The following C1QTNF12 variants were observed in gnomAD, a reference collection of about 807,000 sequenced individuals.
C1QTNF12 encodes C1q and TNF related 12, also known as adipolin.
Under a neutral mutation model 34.3 loss-of-function variants are expected in C1QTNF12, and 39 were observed. That is an observed-to-expected ratio of 1.14 (90% CI 0.88 to 1.49). C1QTNF12 has a LOEUF of 1.49. C1QTNF12 is among the 40% of genes most tolerant of loss of function. The probability of loss-of-function intolerance (pLI) is 0.00; values close to 1 mark genes in which losing one functional copy is unlikely to be tolerated. For missense variants in C1QTNF12, 497 were observed against 424.7 expected (o/e 1.17, Z -1.50); for synonymous variants, 220 against 196.9 (o/e 1.12, Z -0.98).
intron 4 of C1QTNF12, 112 bp downstream of exon 4, chr1:1,243,834 AGCCCCGCC>A: frequency 6.2e-6 from 7 of 1,120,842 alleles, no homozygotes; most frequent in Non-Finnish European, 8.8e-6. Context: ...TCGCCCTCCG[AGCCCCGCC>A]CCCAGCCCCC....
In C1QTNF12 at chr1:1,243,549, C is replaced by T; in HGVS notation, c.535G>A (p.Ala179Thr). ...CCTCGCAGGAAGGCACCTTGGGCAGCAGGCTGTGAGGGGCAGTGGGTGAGC... is the reference window on the plus strand; with the variant it reads ...CCTCGCAGGAAGGCACCTTGGGCAGTAGGCTGTGAGGGGCAGTGGGTGAGC... ...LVELHGFQAP[A>T]AQGAFLRGSG... The change falls in exon 5 of 8, where the codon GCT becomes ACT. Residue 179 changes from alanine to threonine, a missense_variant. Transcript: ENST00000330388. The T allele has an allele frequency of 6.4e-7, 1 of 1,550,824 alleles. No homozygotes were observed. Among genetic ancestry groups the T allele is most frequent in the Non-Finnish European group, 8.7e-7 (1 of 1,147,082 alleles).
chr1:1,242,995 T>C lies in C1QTNF12; in HGVS notation c.731+67A>G, dbSNP rs1012007794. 4 of 1,556,070 alleles carry C rather than the reference T, an allele frequency of 2.6e-6. No homozygotes were observed. The African/African-American group carries it at 5.5e-5, about 21-fold the overall frequency. On this transcript the variant is annotated intron_variant, in intron 6 of 7. Transcript: ENST00000330388. ...CTGCTCCAGTGCCCAGAGACCCCTG[T>C]GGCCTGTGAGCCCCTCCAAGGGTGG...
chr1:1,243,664 G>A (rs920392458), intron 4 of C1QTNF12, 112 bp from the exon 5 acceptor site: 25 of 943,676 alleles, frequency 2.6e-5, no homozygotes, highest in Middle Eastern at 3.2e-4. Flanking sequence ...CAGCTCTCCC[G>A]GGACCCTCAC....
At chr1:1,245,731 C>T (rs1054878878) in intron 1 of C1QTNF12, among the ~76,000 whole-genome samples, 7 of 152,334 alleles carry the variant, frequency 4.6e-5, no homozygotes, top group Admixed American at 3.9e-4. Flanking sequence ...AACGGGACCT[C>T]GGGCTCCAGC....
rs772931967 is a variant in C1QTNF12 at position 1,242,660 on chromosome 1, G to C, written c.811-14C>G. The C allele has an allele frequency of 3.2e-6, 5 of 1,582,638 alleles. No individual in the cohort carries two copies. The South Asian group carries it at 3.4e-5, about 11-fold the overall frequency. On this transcript the variant is annotated splice_polypyrimidine_tract_variant and intron_variant, in intron 7 of 7. Coordinates refer to ENST00000330388, the MANE Select transcript of C1QTNF12 (RefSeq NM_001014980.3). ...GTACTGTCCAGCCTGTAAGAAGCAC[G>C]GGGACGTCACAACCGCAGCCACAGC...
rs773095158 is a variant in C1QTNF12, at chr1:1,244,425, CGTCCGGCCGCCGGACAAAGTTCAGCCAT to C, written c.222_249del (p.Trp75ThrfsTer4). 6.2e-7 allele frequency: 1 copy of C among 1,611,866 alleles called. No homozygotes were observed. The highest frequency in any genetic ancestry group is 1.1e-5 in the South Asian group (1 of 91,068). ...CCGCACCGCTTCCTTAAGGCGCCGTCGTCCGGCCGCCGGACAAAGTTCAGCCATGTCATGTGGGCGTCGGAGAACTCAG... is the reference window on the plus strand; with the variant it reads ...CCGCACCGCTTCCTTAAGGCGCCGTCGTCATGTGGGCGTCGGAGAACTCAG... On this transcript the variant is annotated frameshift_variant, in exon 2 of 8. Transcript: ENST00000330388. LOFTEE classifies it high-confidence loss of function.
At chr1:1,243,647 C>G (rs1638802443) in intron 4 of C1QTNF12, 95 bp from the exon 5 acceptor site, 1 of 1,039,310 alleles carries the variant, frequency 9.6e-7, no homozygotes, top group Admixed American at 2.2e-5. Flanking sequence ...CAGCCCCTCA[C>G]TCGGAGCAGC....
rs1356573769 is a variant in C1QTNF12, at chr1:1,246,573, C to A, written c.118G>T (p.Asp40Tyr). The A allele has an allele frequency of 6.4e-6, 8 of 1,246,098 alleles. No homozygotes were observed. In the East Asian group the frequency reaches 2.2e-4, roughly 34 times the overall value. The allele number at this position is 1,246,098 out of a possible 1,614,324, so 77.2% of individuals were successfully genotyped here. A position where few individuals can be genotyped will look rare whatever the true frequency, so the allele number is the denominator to read the frequency against. The change falls in exon 1 of 8, where the codon GAT (aspartate) becomes TAT (tyrosine). Residue 40 changes from aspartate (D) to tyrosine (Y), a missense_variant. Physicochemically the swap from Asp to Tyr is radical, Grantham distance 160. Transcript: ENST00000330388. The surrounding 1 kb of genome is among the most constrained non-coding windows in gnomAD (Gnocchi z 4.5). Reference sequence around the variant, plus strand: ...GCGCTGGCGGTGGCGTTGGGGGGATCTGCGCGCTGGCCAGGCTGCTGCGTC... The same window carrying A: ...GCGCTGGCGGTGGCGTTGGGGGGATATGCGCGCTGGCCAGGCTGCTGCGTC... ...QRTQQPGQRADPPNATASASS... is the reference protein window; with the variant it reads ...QRTQQPGQRAYPPNATASASS...
intron 1 of C1QTNF12, 165 bp from the exon 2 acceptor site, chr1:1,244,662 C>T (rs1638835235): frequency 1.6e-6 from 1 of 619,682 alleles, no homozygotes; most frequent in African/African-American, 1.8e-5. Flanking sequence ...GTCCCAATGC[C>T]ACCAGCAGGG....
rs377138690 is a variant in C1QTNF12, at chr1:1,242,866, G to T, written c.779C>A (p.Thr260Lys). 1 of 1,612,442 alleles carries T rather than the reference G, an allele frequency of 6.2e-7. No individual in the cohort carries two copies. Residue 260 changes from threonine to lysine, a missense_variant, in exon 7 of 8, where the codon ACG (threonine) becomes AAG (lysine). Thr to Lys is a moderately conservative substitution (Grantham distance 78, BLOSUM62 -1). Transcript: ENST00000330388. ...SGLESNSRVF[T>K]LQVQGLLQLQ... Reference sequence around the variant, plus strand: ...CTGCAGCAGCCCCTGCACCTGTAGCGTGAAGACCCTGCTGTTGCTCTCCAG... The same window carrying T: ...CTGCAGCAGCCCCTGCACCTGTAGCTTGAAGACCCTGCTGTTGCTCTCCAG...
chr1:1,244,423 G>A lies in C1QTNF12; in HGVS notation c.252C>T (p.Asp84=), dbSNP rs532691441. 45 of 1,611,898 alleles carry A rather than the reference G, an allele frequency of 2.8e-5. No individual in the cohort carries two copies. In the East Asian group the frequency reaches 4.9e-4, roughly 18 times the overall value. The change falls in exon 2 of 8, where the codon GAC becomes GAT. Residue 84 remains aspartate, a synonymous_variant. Coordinates refer to ENST00000330388, the MANE Select transcript of C1QTNF12 (RefSeq NM_001014980.3). ...TWLNFVRRPD[D]GALRKRCGSR... is the part of the protein sequence containing the mutation. ...TTCCGCACCGCTTCCTTAAGGCGCC[G>A]TCGTCCGGCCGCCGGACAAAGTTCA... is the stretch of plus-strand genomic sequence containing the variant.
rs1465678505 is a variant in C1QTNF12 at position 1,243,562 on chromosome 1, G to A, written c.532-10C>T. 1 of 1,547,712 alleles carries A rather than the reference G, an allele frequency of 6.5e-7. No individual in the cohort carries two copies. Among genetic ancestry groups the A allele is most frequent in the Non-Finnish European group, 8.7e-7 (1 of 1,144,820 alleles). The stretch of plus-strand genomic sequence containing the variant: ...CACCTTGGGCAGCAGGCTGTGAGGG[G>A]CAGTGGGTGAGCGGCCAGCGCAGGG... On this transcript the variant is annotated splice_polypyrimidine_tract_variant and intron_variant, in intron 4 of 7. Coordinates refer to ENST00000330388, the MANE Select transcript of C1QTNF12 (RefSeq NM_001014980.3).
At chr1:1,246,872 G>C (rs1444410051), upstream of C1QTNF12, 3 of 339,894 alleles carry the variant, frequency 8.8e-6, no homozygotes, top group African/African-American at 6.5e-5. This position sits in a 1 kb window ranked among gnomAD's most constrained non-coding sequence, Gnocchi z 4.5. Flanking sequence ...TCCCCCCGGG[G>C]TCCCGCTCCA....
chr1:1,244,227 C>T lies in C1QTNF12; in HGVS notation c.343G>A (p.Glu115Lys), dbSNP rs1347817949. 7.5e-6 allele frequency: 12 copies of T among 1,597,626 alleles called. No individual in the cohort carries two copies. The highest frequency in any genetic ancestry group is 1.0e-5 in the Non-Finnish European group (12 of 1,172,358). ...TCCTGAAACTCGTGAAGCAGAGTCT[C>T]CGCGGTCACTTCTGCACCTGGAGGT... ...PGPPGAEVTA[E>K]TLLHEFQELL... Residue 115 changes from glutamate (E) to lysine (K), a missense_variant, in exon 3 of 8, where the codon GAG becomes AAG. Coordinates refer to ENST00000330388, the MANE Select transcript of C1QTNF12 (RefSeq NM_001014980.3).
rs1638777245 is a variant in C1QTNF12 at position 1,242,928 on chromosome 1, A to C, written c.732-15T>G. On this transcript the variant is annotated splice_polypyrimidine_tract_variant and intron_variant, in intron 6 of 7. Transcript: ENST00000330388. ...CCTCCAGGCACCTGAACACAGCCCC[A>C]CAGGGCAAGAGGGAGGCGTTGCAGG... is the stretch of plus-strand genomic sequence containing the variant. 6.2e-7 allele frequency: 1 copy of C among 1,610,904 alleles called. No individual in the cohort carries two copies. The highest frequency in any genetic ancestry group is 8.5e-7 in the Non-Finnish European group (1 of 1,179,134).
At chr1:1,244,582 A>G (rs1242826650) in intron 1 of C1QTNF12, 85 bp from the exon 2 acceptor site, 1 of 1,068,426 alleles carries the variant, frequency 9.4e-7, no homozygotes, top group African/African-American at 1.6e-5. Context: ...CACTCAGGGC[A>G]GAACCAGGGA....
rs754419886 is a variant in C1QTNF12, at chr1:1,242,863, AG to A, written c.781del (p.Leu261TyrfsTer62). 1 of 1,612,394 alleles carries A rather than the reference AG, an allele frequency of 6.2e-7. No individual in the cohort carries two copies. Among genetic ancestry groups the A allele is most frequent in the South Asian group, 1.1e-5 (1 of 91,074 alleles). On this transcript the variant is annotated frameshift_variant, in exon 7 of 8. Coordinates refer to ENST00000330388, the MANE Select transcript of C1QTNF12 (RefSeq NM_001014980.3). LOFTEE classifies it high-confidence loss of function. The part of the protein sequence containing the change: ...GLESNSRVFT[L>X]QVQGLLQLQA... ...CAGCTGCAGCAGCCCCTGCACCTGTAGCGTGAAGACCCTGCTGTTGCTCTCC... is the reference window on the plus strand; with the variant it reads ...CAGCTGCAGCAGCCCCTGCACCTGTACGTGAAGACCCTGCTGTTGCTCTCC...
rs1054942245 is a variant in C1QTNF12, at chr1:1,246,701, C to G, written c.-11G>C. ...GGCCCAGCGCCGCATGGCTCCGTCC[C>G]GAGGCGGCTCAGCGCGGCGAGTCTC... On this transcript the variant is annotated 5_prime_UTR_variant, in exon 1 of 8. Coordinates refer to ENST00000330388, the MANE Select transcript of C1QTNF12 (RefSeq NM_001014980.3). This position sits in a 1 kb window ranked among gnomAD's most constrained non-coding sequence, Gnocchi z 4.5. 1.6e-6 allele frequency: 2 copies of G among 1,220,366 alleles called. No individual in the cohort carries two copies. Among genetic ancestry groups the G allele is most frequent in the Non-Finnish European group, 2.0e-6 (2 of 980,614 alleles). 75.6% of individuals were successfully genotyped at this position (1,220,366 alleles called of 1,614,324 possible). A position where few individuals can be genotyped will look rare whatever the true frequency, so the allele number is the denominator to read the frequency against.
chr1:1,244,388 T>A lies in C1QTNF12; in HGVS notation c.287A>T (p.Lys96Met). The change falls in exon 2 of 8, where the codon AAG becomes ATG. Residue 96 changes from lysine to methionine, a missense_variant. Physicochemically the swap from Lys to Met is moderately conservative, Grantham distance 95. Coordinates refer to ENST00000330388, the MANE Select transcript of C1QTNF12 (RefSeq NM_001014980.3). ...AGCCCGGGCGGGGCTCACCGGCTTC[T>A]TGTCCCTGCTTCCGCACCGCTTCCT... The part of the protein sequence containing the change: ...ALRKRCGSRD[K>M]KPRDLFGPPG... 1 of 1,611,400 alleles carries A rather than the reference T, an allele frequency of 6.2e-7. No individual in the cohort carries two copies. Among genetic ancestry groups the A allele is most frequent in the Non-Finnish European group, 8.5e-7 (1 of 1,179,172 alleles).
Sources: gnomAD v4.1 joint callset for allele counts (sites outside exome capture counted in the v4.1 genomes callset) on GRCh38, gnomAD v4.1.1 for gene constraint, Gnocchi (gnomAD v3.1) non-coding constraint, MANE v1.5 for transcripts, NCBI Gene and HGNC (gene_info 2026-07-23, HGNC 2026-07-21) for gene names.